Variants in GLCE observed in about 807,000 individuals in gnomAD.
GLCE encodes glucuronic acid epimerase.
A neutral mutation model predicts 47.9 loss-of-function variants in GLCE; 19 were observed. The ratio of observed to expected loss-of-function variants is 0.40; its 90% CI spans 0.28 to 0.58. The LOEUF (loss-of-function observed/expected upper bound fraction) is 0.58. Ranked by LOEUF, GLCE falls within the 20% of genes least tolerant of loss-of-function variation. The pLI is 0.48. For missense variants in GLCE, 556 were observed against 743.3 expected (o/e 0.75, Z 2.93); for synonymous variants, 245 against 263.4 (o/e 0.93, Z 0.68).
At chr15:69,174,396 G>A (rs991041649) in intron 1 of GLCE, among the ~76,000 whole-genome samples, 5 of 118,320 alleles carry the variant, frequency 4.2e-5, no homozygotes, top group Non-Finnish European at 8.2e-5. Flanking sequence ...GATCACCTGA[G>A]GTCAGGAGTT....
rs375660505 is a variant in GLCE, at chr15:69,251,910, T to C, written c.-13-3884T>C. Among the ~76,000 whole-genome samples the C allele has an allele frequency of 7.2e-5, 11 of 152,340 alleles. No homozygotes were observed. In the East Asian group the frequency reaches 1.3e-3, roughly 19 times the overall value. The stretch of plus-strand genomic sequence containing the variant: ...TGAGTGGTATACTGAACTTCCAATA[T>C]ATCTGTCACTCTCAGTTTTAGCAAT... On this transcript the variant is annotated intron_variant, in intron 2 of 4. Transcript: ENST00000261858.
chr15:69,217,069 G>T (rs1215470393), intron 2 of GLCE, among the ~76,000 whole-genome samples: 2 of 151,914 alleles, frequency 1.3e-5, no homozygotes, highest in Non-Finnish European at 2.9e-5. Flanking sequence ...ATTTCTAATG[G>T]CTAAACCCAG....
At chr15:69,247,542 G>T (rs573309545) in intron 2 of GLCE, among the ~76,000 whole-genome samples, 1 of 152,258 alleles carries the variant, frequency 6.6e-6, no homozygotes, top group East Asian at 1.9e-4. Context: ...CTTCCATCAA[G>T]AACTTTTCCA....
At chr15:69,182,082 A>G (rs1234761278) in intron 1 of GLCE, among the ~76,000 whole-genome samples, 1 of 151,962 alleles carries the variant, frequency 6.6e-6, no homozygotes, top group African/African-American at 2.4e-5. Context: ...GTCATAAGAT[A>G]AAAGTGAGGA....
At position 69,192,455 on chromosome 15, in the gene GLCE, G is replaced by T. The variant is rs184261682; in HGVS notation, c.-104-17861G>T. Among the ~76,000 whole-genome samples the T allele has an allele frequency of 5.8e-4, 88 of 152,036 alleles. 1 individual carries two copies. The highest frequency in any genetic ancestry group is 3.7e-3 in the Admixed American group (56 of 15,256). On this transcript the variant is annotated intron_variant, in intron 1 of 4. Transcript: ENST00000261858. Reference sequence around the variant, plus strand: ...TTGTGTTTGGGTTTTCTCTTATGCTGTTGAGGAAACATTTGTTATAGCTGT... The same window carrying T: ...TTGTGTTTGGGTTTTCTCTTATGCTTTTGAGGAAACATTTGTTATAGCTGT...
intron 1 of GLCE, among the ~76,000 whole-genome samples, chr15:69,207,794 G>A (rs1452296952): frequency 2.0e-5 from 3 of 152,120 alleles, no homozygotes; most frequent in East Asian, 1.9e-4. Flanking sequence ...TATGATAAAT[G>A]TATACTTAGC....
intron 1 of GLCE, among the ~76,000 whole-genome samples, chr15:69,198,102 T>C (rs1020223583): frequency 2.0e-5 from 3 of 152,156 alleles, no homozygotes; most frequent in Non-Finnish European, 2.9e-5. Flanking sequence ...ACCCCTCACA[T>C]GTATACTTTT....
intron 1 of GLCE, among the ~76,000 whole-genome samples, chr15:69,166,657 C>A (rs920928810): frequency 2.1e-4 from 32 of 152,164 alleles, no homozygotes; most frequent in African/African-American, 7.5e-4. Context: ...CGGTGGCTTA[C>A]GCCTCTAATC....
intron 2 of GLCE, among the ~76,000 whole-genome samples, chr15:69,242,619 T>C (rs2052687065): frequency 6.6e-6 from 1 of 152,176 alleles, no homozygotes; most frequent in Non-Finnish European, 1.5e-5. Context: ...AGTGCTTTGA[T>C]GCAAACAACT....
intron 1 of GLCE, among the ~76,000 whole-genome samples, chr15:69,203,395 G>A (rs1429730868): frequency 6.6e-6 from 1 of 152,110 alleles, no homozygotes; most frequent in Non-Finnish European, 1.5e-5. Flanking sequence ...GACAGGTGCA[G>A]TGCATCTTTG....
At chr15:69,218,737 A>C (rs1318332624) in intron 2 of GLCE, among the ~76,000 whole-genome samples, 1 of 152,224 alleles carries the variant, frequency 6.6e-6, no homozygotes, top group Non-Finnish European at 1.5e-5. Flanking sequence ...TCATATGGCT[A>C]AATATCCATT....
At chr15:69,229,134 A>G (rs918235228) in intron 2 of GLCE, among the ~76,000 whole-genome samples, 2 of 152,256 alleles carry the variant, frequency 1.3e-5, no homozygotes, top group Admixed American at 6.5e-5. Flanking sequence ...GGCAAAAAGC[A>G]ATACTAGACG....
At chr15:69,201,634 T>C (rs1255911169) in intron 1 of GLCE, among the ~76,000 whole-genome samples, 1 of 149,002 alleles carries the variant, frequency 6.7e-6, no homozygotes, top group African/African-American at 2.5e-5. Flanking sequence ...ACTAGATGCT[T>C]AACAGATACT....
chr15:69,255,424 A>AAAAATCC (rs2052907244), intron 2 of GLCE, among the ~76,000 whole-genome samples: 1 of 152,160 alleles, frequency 6.6e-6, no homozygotes, highest in Non-Finnish European at 1.5e-5. Context: ...CAAATCTGAG[A>AAAAATCC]AAAATCCAAA....
chr15:69,230,380 A>G (rs1246741329), intron 2 of GLCE, among the ~76,000 whole-genome samples: 1 of 152,216 alleles, frequency 6.6e-6, no homozygotes, highest in African/African-American at 2.4e-5. Flanking sequence ...CCAAGAGTAT[A>G]TAGTGATCTT....
At chr15:69,232,659 G>A (rs1025277933) in intron 2 of GLCE, among the ~76,000 whole-genome samples, 3 of 151,940 alleles carry the variant, frequency 2.0e-5, no homozygotes, top group South Asian at 2.1e-4. Context: ...AACTAGCTGC[G>A]GCTTCTTACA....
intron 1 of GLCE, among the ~76,000 whole-genome samples, chr15:69,198,172 C>A (rs970902807): frequency 1.3e-5 from 2 of 152,018 alleles, no homozygotes; most frequent in Non-Finnish European, 2.9e-5. Flanking sequence ...TTTATCAGAG[C>A]CCCTAAAATA....
intron 2 of GLCE, among the ~76,000 whole-genome samples, chr15:69,232,660 G>A (rs187083540): frequency 4.6e-5 from 7 of 152,240 alleles, no homozygotes; most frequent in Admixed American, 4.6e-4. Flanking sequence ...ACTAGCTGCG[G>A]CTTCTTACAG....
chr15:69,222,378 G>A (rs2052389795), intron 2 of GLCE, among the ~76,000 whole-genome samples: 2 of 152,178 alleles, frequency 1.3e-5, no homozygotes, highest in Non-Finnish European at 2.9e-5. Context: ...CAGGGTAGTT[G>A]AGGCTTTGCT....
Sources: gnomAD v4.1 joint callset for allele counts (sites outside exome capture counted in the v4.1 genomes callset) on GRCh38, gnomAD v4.1.1 for gene constraint, MANE v1.5 for transcripts, NCBI Gene and HGNC (gene_info 2026-07-23, HGNC 2026-07-21) for gene names.